Variants in KIF26B observed in about 807,000 individuals in gnomAD.
KIF26B encodes kinesin family member 26B.
Under a neutral mutation model 151.2 loss-of-function variants are expected in KIF26B, and 63 were observed. The ratio of observed to expected loss-of-function variants is 0.42; its 90% CI spans 0.34 to 0.51. The LOEUF (loss-of-function observed/expected upper bound fraction) is 0.51. KIF26B is among the 20% of genes least tolerant of loss of function. The probability of loss-of-function intolerance (pLI) is 0.07; values close to 1 mark genes in which losing one functional copy is unlikely to be tolerated. For synonymous variants in KIF26B, 1,357 were observed against 1,262.1 expected, an observed-to-expected ratio of 1.08 and a Z score of -1.59; for missense variants, 2,813 against 2,913.6, an observed-to-expected ratio of 0.97 and a Z score of 0.79.
At chr1:245,306,278 C>T (rs922664084) in intron 2 of KIF26B, among the ~76,000 whole-genome samples, 1 of 152,090 alleles carries the variant, frequency 6.6e-6, no homozygotes, top group African/African-American at 2.4e-5. Flanking sequence ...AGAACCTAGA[C>T]ACAAAAGATG....
rs559983237 is a variant in KIF26B, at chr1:245,480,959, AC to A, written c.1167-59807del. Among the ~76,000 whole-genome samples the A allele has an allele frequency of 9.9e-5, 15 of 150,790 alleles. No individual in the cohort carries two copies. The South Asian group carries it at 3.2e-3, about 33-fold the overall frequency. ...CACCCAGATTAGTTGGTTGATTCAA[AC>A]TTTCCCTTCCTATTTCTCTCTACAG... On this transcript the variant is annotated intron_variant, in intron 4 of 14. Coordinates refer to ENST00000407071, the MANE Select transcript of KIF26B (RefSeq NM_018012.4).
chr1:245,480,274 C>CG (rs199997895), intron 4 of KIF26B, among the ~76,000 whole-genome samples: 23,942 of 148,330 alleles, frequency 0.16, 2,227 homozygotes, highest in Admixed American at 0.21. Context: ...GACCCTGTCT[C>CG]GGGGGGGAGG....
chr1:245,184,924 C>T (rs1048936113), intron 2 of KIF26B, among the ~76,000 whole-genome samples: 1 of 152,200 alleles, frequency 6.6e-6, no homozygotes, highest in Non-Finnish European at 1.5e-5. Context: ...CTGCAGAAGT[C>T]TGCCCAGAGC....
intron 2 of KIF26B, among the ~76,000 whole-genome samples, chr1:245,344,783 G>A (rs1437623699): frequency 1.3e-5 from 2 of 152,052 alleles, no homozygotes; most frequent in Non-Finnish European, 2.9e-5. Context: ...GCATACCGCG[G>A]CCATGTGTTG....
chr1:245,320,439 C>A (rs955598637), intron 2 of KIF26B, among the ~76,000 whole-genome samples: 1 of 152,194 alleles, frequency 6.6e-6, no homozygotes, highest in Admixed American at 6.5e-5. Context: ...TAGTGTGCTA[C>A]GTTTGTTTCA....
intron 4 of KIF26B, among the ~76,000 whole-genome samples, chr1:245,451,362 A>T (rs975793894): frequency 1.3e-5 from 2 of 151,958 alleles, no homozygotes; most frequent in Admixed American, 6.6e-5. Context: ...CTTAATATCA[A>T]ATTTTTAAAT....
chr1:245,304,724 T>C (rs1330383904), intron 2 of KIF26B, among the ~76,000 whole-genome samples: 1 of 152,070 alleles, frequency 6.6e-6, no homozygotes, highest in Non-Finnish European at 1.5e-5. Context: ...CATCCATCCA[T>C]CCGTCTACCT....
chr1:245,183,317 C>G (rs1668939352), intron 2 of KIF26B, among the ~76,000 whole-genome samples: 1 of 152,082 alleles, frequency 6.6e-6, no homozygotes. Flanking sequence ...TTGATGAGAT[C>G]CAGTTGATCA....
intron 2 of KIF26B, among the ~76,000 whole-genome samples, chr1:245,178,088 A>G (rs944792117): frequency 1.3e-5 from 2 of 152,220 alleles, no homozygotes; most frequent in Non-Finnish European, 2.9e-5. Flanking sequence ...TTAGGAGTGT[A>G]TCAAATCACA....
At chr1:245,295,721 T>C (rs912636484) in intron 2 of KIF26B, among the ~76,000 whole-genome samples, 6 of 152,208 alleles carry the variant, frequency 3.9e-5, no homozygotes, top group African/African-American at 1.2e-4. Flanking sequence ...AATATTACTT[T>C]TCATGGACTA....
chr1:245,510,571 A>C (rs1660809298), intron 4 of KIF26B, among the ~76,000 whole-genome samples: 1 of 134,006 alleles, frequency 7.5e-6, no homozygotes, highest in African/African-American at 2.9e-5. Flanking sequence ...CTCTTTTAGC[A>C]GAGCTTCTCT....
intron 4 of KIF26B, among the ~76,000 whole-genome samples, chr1:245,510,295 T>G (rs1205764155): frequency 6.6e-6 from 1 of 152,154 alleles, no homozygotes. Context: ...ACTTAGAAAA[T>G]GAAACGTGCA....
At chr1:245,594,848 C>A (rs1173758757) in intron 5 of KIF26B, among the ~76,000 whole-genome samples, 1 of 152,156 alleles carries the variant, frequency 6.6e-6, no homozygotes, top group African/African-American at 2.4e-5. Context: ...TTTTCTTGAG[C>A]AGTGGTTTGT....
At chr1:245,198,067 C>G (rs567828970) in intron 2 of KIF26B, among the ~76,000 whole-genome samples, 42 of 152,338 alleles carry the variant, frequency 2.8e-4, no homozygotes, top group African/African-American at 9.1e-4. Flanking sequence ...TTCCTCCTAC[C>G]ACCCACACAT....
At chr1:245,461,478 C>T (rs1027926432) in intron 4 of KIF26B, among the ~76,000 whole-genome samples, 3 of 152,096 alleles carry the variant, frequency 2.0e-5, no homozygotes, top group Non-Finnish European at 4.4e-5. Flanking sequence ...CCGCTCATCA[C>T]GTGTCCTGCA....
intron 2 of KIF26B, among the ~76,000 whole-genome samples, chr1:245,232,782 T>G (rs1026103586): frequency 6.6e-5 from 10 of 152,320 alleles, no homozygotes; most frequent in Middle Eastern, 6.8e-3. Context: ...ACTCCCGACC[T>G]CAGGTGATCC....
chr1:245,591,981 C>T (rs529204717), intron 5 of KIF26B, among the ~76,000 whole-genome samples: 44 of 152,282 alleles, frequency 2.9e-4, no homozygotes, highest in Non-Finnish European at 4.9e-4. Context: ...AGTCCCTTGC[C>T]GGGCTTGCCT....
chr1:245,632,976 T>A (rs548108595), intron 9 of KIF26B, among the ~76,000 whole-genome samples: 212 of 152,306 alleles, frequency 1.4e-3, no homozygotes, highest in South Asian at 4.4e-3. Flanking sequence ...TCAAGCTCTT[T>A]AGCTCTAATG....
intron 6 of KIF26B, among the ~76,000 whole-genome samples, chr1:245,604,996 C>T (rs968438695): frequency 1.3e-5 from 2 of 152,152 alleles, no homozygotes; most frequent in African/African-American, 4.8e-5. Context: ...TTCCTGGATT[C>T]CCCCCGTTAA....
Sources: gnomAD v4.1 joint callset for allele counts (sites outside exome capture counted in the v4.1 genomes callset) on GRCh38, gnomAD v4.1.1 for gene constraint, MANE v1.5 for transcripts, NCBI Gene and HGNC (gene_info 2026-07-23, HGNC 2026-07-21) for gene names.